Variants in YBEY observed in about 807,000 individuals in gnomAD.
YBEY encodes ybeY metalloendoribonuclease.
Under a neutral mutation model 13.5 loss-of-function variants are expected in YBEY, and 15 were observed. The ratio of observed to expected loss-of-function variants is 1.11; its 90% CI spans 0.75 to 1.72. YBEY has a LOEUF of 1.72. Among genes scored for constraint, YBEY ranks in the 40% most tolerant of loss-of-function variants. YBEY has a pLI of 0.00. For synonymous variants in YBEY, 101 were observed against 83.1 expected, an observed-to-expected ratio of 1.21 and a Z score of -1.17; for missense variants, 244 against 208.4, an observed-to-expected ratio of 1.17 and a Z score of -1.05.
Position 46,287,125 on chromosome 21 carries a change from TAA to T in YBEY, c.210+11_210+12del. ...GTGCTTTCTTTTCCATTTCATGAGG[TAA>T]AAAAAAAATGTTCCTCTTCTTGTCT... On this transcript the variant is annotated splice_donor_region_variant and intron_variant, in intron 2 of 4. Coordinates refer to ENST00000397701, the MANE Select transcript of YBEY (RefSeq NM_001314025.2). 1.3e-6 allele frequency: 2 copies of T among 1,507,426 alleles called. No homozygotes were observed. The highest frequency in any genetic ancestry group is 2.4e-5 in the East Asian group (1 of 41,468). 93.4% of individuals were successfully genotyped at this position (1,507,426 alleles called of 1,614,324 possible).
chr21:46,302,722 T>G (rs895693338), downstream of YBEY: 1 of 654,862 alleles, frequency 1.5e-6, no homozygotes, highest in East Asian at 2.8e-5. Flanking sequence ...CTGCACACGG[T>G]GCGGGTCCCC....
chr21:46,311,633 A>G, the YBEY span: 1 of 904,252 alleles, frequency 1.1e-6, no homozygotes, highest in African/African-American at 1.6e-5. Context: ...AGTATCTACC[A>G]CCCATCCATC....
intron 4 of YBEY, 134 bp from the exon 5 acceptor site, chr21:46,297,405 C>G: frequency 1.3e-6 from 1 of 795,648 alleles, no homozygotes; most frequent in Non-Finnish European, 1.7e-6. Flanking sequence ...GTCCCGCCTT[C>G]GGCCTGAGCT....
At chr21:46,309,650 G>A in the YBEY span, among the ~76,000 whole-genome samples, 4 of 152,018 alleles carry the variant, frequency 2.6e-5, no homozygotes, top group Admixed American at 2.6e-4. Flanking sequence ...GTCATGCTGA[G>A]AGAAGCCATA....
At chr21:46,303,602 C>T in the YBEY span, among the ~76,000 whole-genome samples, 375 of 148,108 alleles carry the variant, frequency 2.5e-3, 2 homozygotes, top group African/African-American at 8.4e-3. Flanking sequence ...CTGTGATGCT[C>T]GCACTTTGGG....
chr21:46,291,963 C>T (rs1036466542), intron 3 of YBEY: 2 of 539,986 alleles, frequency 3.7e-6, no homozygotes, highest in African/African-American at 4.1e-5. Context: ...TTATTCAACT[C>T]AATCTCCCAG....
chr21:46,294,927 A>G (rs1039178720), intron 3 of YBEY, among the ~76,000 whole-genome samples: 2 of 152,130 alleles, frequency 1.3e-5, no homozygotes. Context: ...GTGTGAAAGG[A>G]TGGGACGGCC....
downstream of YBEY, among the ~76,000 whole-genome samples, chr21:46,298,360 G>A (rs2082016706): frequency 6.6e-6 from 1 of 151,468 alleles, no homozygotes; most frequent in Non-Finnish European, 1.5e-5. Flanking sequence ...AGAGCGTTCT[G>A]TTTACTGTGA....
chr21:46,313,121 C>T, the YBEY span: 15 of 934,948 alleles, frequency 1.6e-5, no homozygotes, highest in Non-Finnish European at 1.8e-5. Context: ...CAAAGCAGGA[C>T]ACACCGTCAG....
intron 2 of YBEY, among the ~76,000 whole-genome samples, chr21:46,290,771 C>T (rs1459984243): frequency 6.6e-5 from 10 of 151,846 alleles, no homozygotes; most frequent in Admixed American, 2.6e-4. Context: ...TTAGGCCAGA[C>T]GCGGTGGCTC....
At chr21:46,297,760 C>A, downstream of YBEY, 4 of 1,242,592 alleles carry the variant, frequency 3.2e-6, no homozygotes, top group South Asian at 3.9e-5. Context: ...CACGTTGCAT[C>A]GGGTATTTTT....
At chr21:46,304,277 G>T in the YBEY span, among the ~76,000 whole-genome samples, 2 of 151,900 alleles carry the variant, frequency 1.3e-5, no homozygotes, top group Non-Finnish European at 2.9e-5. Context: ...TGATCTGCCC[G>T]CCTCGGCCTC....
downstream of YBEY, chr21:46,302,147 G>T: frequency 6.7e-7 from 1 of 1,490,888 alleles, no homozygotes; most frequent in Non-Finnish European, 8.9e-7. Context: ...GGGCACATGT[G>T]GCGGGTCCTG....
chr21:46,303,734 TATATATATA>T, the YBEY span, among the ~76,000 whole-genome samples: 20 of 25,814 alleles, frequency 7.7e-4, no homozygotes, highest in Non-Finnish European at 1.3e-3. Context: ...TATATATATA[TATATATATA>T]TATTTTTTTT....
downstream of YBEY, among the ~76,000 whole-genome samples, chr21:46,298,556 A>G (rs2082027440): frequency 6.6e-6 from 1 of 150,414 alleles, no homozygotes; most frequent in Non-Finnish European, 1.5e-5. Flanking sequence ...CATCCTCCCG[A>G]GTAGCTGGGA....
downstream of YBEY, chr21:46,300,415 G>A (rs1471090619): frequency 1.0e-5 from 2 of 194,604 alleles, no homozygotes; most frequent in Non-Finnish European, 2.1e-5. Context: ...TGGGCGACAA[G>A]AGCAAAACTC....
the YBEY span, among the ~76,000 whole-genome samples, chr21:46,303,745 A>ATATATATATATATATTTTTTTTTTT: frequency 4.2e-5 from 1 of 23,820 alleles, no homozygotes; most frequent in Non-Finnish European, 7.1e-5. Flanking sequence ...ATATATATAT[A>ATATATATATATATATTTTTTTTTTT]TTTTTTTTTT....
downstream of YBEY, among the ~76,000 whole-genome samples, chr21:46,299,750 G>GCCCCCCCCCCCCCCCCC (rs545785598): frequency 1.5e-4 from 22 of 147,254 alleles, no homozygotes; most frequent in African/African-American, 2.0e-4. Flanking sequence ...TGTGCCCTGA[G>GCCCCCCCCCCCCCCCCC]CCCCCCCCAC....
At position 46,291,209 on chromosome 21, in the gene YBEY, A is replaced by C. The variant is rs928471611; in HGVS notation, c.211-125A>C. On this transcript the variant is annotated intron_variant, in intron 2 of 4. Coordinates refer to ENST00000397701, the MANE Select transcript of YBEY (RefSeq NM_001314025.2). ...TGAAACTCCGTCTCAAAAAAAAAAA[A>C]AAAAAAAGTGATTTGGCTCAGAGAT... is the stretch of plus-strand genomic sequence containing the variant. 2.2e-5 allele frequency: 26 copies of C among 1,156,314 alleles called. 1 individual carries two copies. The highest frequency in any genetic ancestry group is 3.9e-5 in the African/African-American group (1 of 25,330). 71.6% of individuals were successfully genotyped at this position (1,156,314 alleles called of 1,614,324 possible). A position where few individuals can be genotyped will look rare whatever the true frequency, so the allele number is the denominator to read the frequency against.
Sources: allele counts gnomAD v4.1 joint callset (sites outside exome capture counted in the v4.1 genomes callset), GRCh38; gene constraint gnomAD v4.1.1; transcripts MANE v1.5; gene names NCBI Gene and HGNC (gene_info 2026-07-23, HGNC 2026-07-21).